SPAG16: variants seen among roughly 807,000 people sequenced by gnomAD.
The protein encoded by SPAG16 is sperm associated antigen 16.
Under a neutral mutation model 80.4 loss-of-function variants are expected in SPAG16, and 86 were observed. That is an observed-to-expected ratio of 1.07 (90% CI 0.90 to 1.28). The LOEUF is 1.28. Among genes scored for constraint, SPAG16 ranks in the 50% most tolerant of loss-of-function variants. The pLI, the probability that SPAG16 is intolerant of heterozygous loss-of-function variation, is 0.00. For missense variants in SPAG16, 870 were observed against 765.3 expected, an observed-to-expected ratio of 1.14 and a Z score of -1.61; for synonymous variants, 294 against 265.9, an observed-to-expected ratio of 1.11 and a Z score of -1.03.
intron 10 of SPAG16, among the ~76,000 whole-genome samples, chr2:213,672,364 T>C (rs1264532864): frequency 1.3e-5 from 2 of 152,104 alleles, no homozygotes; most frequent in East Asian, 3.8e-4. Context: ...CTTCCTCCCT[T>C]CTTTCCTTTC....
At chr2:214,039,260 C>T (rs1006342785) in intron 13 of SPAG16, among the ~76,000 whole-genome samples, 15 of 152,104 alleles carry the variant, frequency 9.9e-5, no homozygotes, top group African/African-American at 2.2e-4. Flanking sequence ...TGGTATCTCA[C>T]TGTGGTTTTG....
At chr2:213,692,199 A>G (rs560617646) in intron 10 of SPAG16, among the ~76,000 whole-genome samples, 1 of 152,326 alleles carries the variant, frequency 6.6e-6, no homozygotes, top group South Asian at 2.1e-4. Context: ...TGAAAAAGAT[A>G]CCTAATTATT....
At chr2:213,968,164 T>TTCTCC (rs1553683266) in intron 12 of SPAG16, among the ~76,000 whole-genome samples, 3 of 150,090 alleles carry the variant, frequency 2.0e-5, no homozygotes, top group East Asian at 2.0e-4. Context: ...TCCTCTTCTC[T>TTCTCC]TCTCATCTCT....
At chr2:214,292,580 T>G (rs979341575) in intron 15 of SPAG16, among the ~76,000 whole-genome samples, 1 of 152,196 alleles carries the variant, frequency 6.6e-6, no homozygotes, top group African/African-American at 2.4e-5. Context: ...CTGTATTGCT[T>G]TAATCATTTT....
chr2:214,156,451 A>T (rs184516509), intron 15 of SPAG16, among the ~76,000 whole-genome samples: 2 of 152,182 alleles, frequency 1.3e-5, no homozygotes, highest in Non-Finnish European at 1.5e-5. Flanking sequence ...TGGTCTGCTT[A>T]AAAATAATTA....
intron 10 of SPAG16, among the ~76,000 whole-genome samples, chr2:213,562,564 C>T (rs76721767): frequency 0.059 from 8,930 of 152,244 alleles, 874 homozygotes; most frequent in African/African-American, 0.2. Context: ...AGGGTGCTGG[C>T]AGATTTGATG....
At chr2:213,632,960 T>C (rs2062212536) in intron 10 of SPAG16, among the ~76,000 whole-genome samples, 1 of 152,172 alleles carries the variant, frequency 6.6e-6, no homozygotes, top group Non-Finnish European at 1.5e-5. Context: ...TGTCTGGTTT[T>C]GGCATCAGGC....
At position 213,284,622 on chromosome 2, in the gene SPAG16, A is replaced by G. The variant is rs779515258; in HGVS notation, c.136+3A>G. On this transcript the variant is annotated splice_donor_region_variant and intron_variant, in intron 1 of 15. Coordinates refer to ENST00000331683, the MANE Select transcript of SPAG16 (RefSeq NM_024532.5). ...TGAGGGCGCCTACTACCTGGAACGT[A>G]TCCTTCCCGTGGAGGCGCGGCCCGC... 1 of 1,606,886 alleles carries G rather than the reference A, an allele frequency of 6.2e-7. No homozygotes were observed. The highest frequency in any genetic ancestry group is 8.5e-7 in the Non-Finnish European group (1 of 1,177,244).
chr2:213,341,631 A>G (rs775776770), intron 6 of SPAG16, among the ~76,000 whole-genome samples: 1 of 152,146 alleles, frequency 6.6e-6, no homozygotes, highest in Non-Finnish European at 1.5e-5. Flanking sequence ...TCCTGGGTTC[A>G]AGCAGTCCTT....
rs759490309 is a variant in SPAG16, at chr2:214,072,001, C to T, written c.1528-36195C>T. 4.6e-5 allele frequency among the ~76,000 whole-genome samples: 7 copies of T among 152,016 alleles called. No individual in the cohort carries two copies. The South Asian group carries it at 1.4e-3, about 31-fold the overall frequency. ...TAAATTAATCATAAATATGTACAAG[C>T]TATTTTTTAAGAAACAATATCTTAA... On this transcript the variant is annotated intron_variant, in intron 13 of 15. Coordinates refer to ENST00000331683, the MANE Select transcript of SPAG16 (RefSeq NM_024532.5).
At chr2:214,202,644 T>C (rs1220272680) in intron 15 of SPAG16, among the ~76,000 whole-genome samples, 1 of 152,172 alleles carries the variant, frequency 6.6e-6, no homozygotes, top group African/African-American at 2.4e-5. Context: ...CCACATGCAC[T>C]GGCAGGAGTT....
At chr2:213,437,500 T>C (rs1341001784) in intron 9 of SPAG16, among the ~76,000 whole-genome samples, 7 of 152,204 alleles carry the variant, frequency 4.6e-5, no homozygotes, top group African/African-American at 1.4e-4. Context: ...TAAAAAAATC[T>C]TTTGCCTCTA....
intron 10 of SPAG16, among the ~76,000 whole-genome samples, chr2:213,855,416 A>G (rs9288475): frequency 0.34 from 52,267 of 152,032 alleles, 9,422 homozygotes; most frequent in South Asian, 0.47. Flanking sequence ...ACCTCTATGT[A>G]TCCCAGTTCC....
intron 10 of SPAG16, among the ~76,000 whole-genome samples, chr2:213,793,894 T>G (rs1016403367): frequency 1.3e-5 from 2 of 152,176 alleles, no homozygotes; most frequent in Non-Finnish European, 2.9e-5. Context: ...GAGACACTTC[T>G]CAGTGGATTA....
intron 12 of SPAG16, among the ~76,000 whole-genome samples, chr2:213,959,914 G>A (rs984316316): frequency 6.6e-6 from 1 of 152,092 alleles, no homozygotes; most frequent in Non-Finnish European, 1.5e-5. Context: ...CAAATTAAAA[G>A]AAACTGTAAT....
At chr2:213,899,339 A>T (rs2077119177) in intron 11 of SPAG16, among the ~76,000 whole-genome samples, 1 of 152,156 alleles carries the variant, frequency 6.6e-6, no homozygotes, top group Non-Finnish European at 1.5e-5. Flanking sequence ...GATATCCCTT[A>T]TATAGAAGAA....
intron 8 of SPAG16, among the ~76,000 whole-genome samples, chr2:213,367,286 T>C (rs1243845815): frequency 6.6e-6 from 1 of 151,706 alleles, no homozygotes; most frequent in Non-Finnish European, 1.5e-5. Context: ...TGATTTATAA[T>C]CCTTTGGGTA....
intron 15 of SPAG16, among the ~76,000 whole-genome samples, chr2:214,224,527 G>T (rs906128874): frequency 7.2e-5 from 11 of 152,112 alleles, no homozygotes; most frequent in Admixed American, 6.6e-4. Flanking sequence ...AATAAATAAT[G>T]CCTACTTCAT....
At chr2:213,416,125 A>G (rs547279831) in intron 9 of SPAG16, among the ~76,000 whole-genome samples, 1 of 152,338 alleles carries the variant, frequency 6.6e-6, no homozygotes, top group Admixed American at 6.5e-5. Flanking sequence ...CCATGGCTGT[A>G]AGAAGGAATC....
Sources: gnomAD v4.1 joint callset for allele counts (sites outside exome capture counted in the v4.1 genomes callset) on GRCh38, gnomAD v4.1.1 for gene constraint, MANE v1.5 for transcripts, NCBI Gene and HGNC (gene_info 2026-07-23, HGNC 2026-07-21) for gene names.